EXOC6B: variants seen among roughly 807,000 people sequenced by gnomAD.
EXOC6B encodes exocyst complex component 6B, also known as SEC15 homolog B.
Under a neutral mutation model 113.5 loss-of-function variants are expected in EXOC6B, and 54 were observed. That is an observed-to-expected ratio of 0.48 (90% confidence interval 0.38 to 0.60). EXOC6B has a LOEUF of 0.60. Among genes scored for constraint, EXOC6B ranks in the 20% least tolerant of loss-of-function variants. The probability of loss-of-function intolerance (pLI) is 0.00; values close to 1 mark genes in which losing one functional copy is unlikely to be tolerated. For synonymous variants in EXOC6B, 357 were observed against 339.0 expected (o/e 1.05, Z -0.58); for missense variants, 797 against 977.5 (o/e 0.82, Z 2.46).
chr2:72,643,535 T>G (rs1327382471), intron 6 of EXOC6B, among the ~76,000 whole-genome samples: 43 of 147,310 alleles, frequency 2.9e-4, no homozygotes, highest in African/African-American at 1.1e-3. Context: ...ACACCGCATA[T>G]TCTCACTCAT....
At chr2:72,217,796 G>A (rs991673261) in intron 20 of EXOC6B, among the ~76,000 whole-genome samples, 21 of 152,250 alleles carry the variant, frequency 1.4e-4, no homozygotes, top group Admixed American at 7.2e-4. Context: ...AAAAGATGAT[G>A]AGCATCTTGA....
intron 1 of EXOC6B, among the ~76,000 whole-genome samples, chr2:72,775,222 C>G (rs1683632316): frequency 6.6e-6 from 1 of 151,138 alleles, no homozygotes; most frequent in African/African-American, 2.5e-5. Flanking sequence ...TTGGGGCTCT[C>G]TCCCCTCCCT....
At chr2:72,422,762 A>G (rs898512441) in intron 18 of EXOC6B, among the ~76,000 whole-genome samples, 3 of 152,182 alleles carry the variant, frequency 2.0e-5, no homozygotes, top group Non-Finnish European at 4.4e-5. Flanking sequence ...GACACTCTGT[A>G]TCTAGCTGCT....
intron 20 of EXOC6B, 84 bp from the exon 21 acceptor site, chr2:72,184,271 T>C: frequency 1.6e-6 from 1 of 642,482 alleles, no homozygotes; most frequent in South Asian, 2.0e-5. Context: ...CATCCTTCAC[T>C]ACCAGCTAAT....
At chr2:72,668,931 CA>C (rs940059459) in intron 6 of EXOC6B, among the ~76,000 whole-genome samples, 2 of 151,788 alleles carry the variant, frequency 1.3e-5, no homozygotes, top group African/African-American at 2.4e-5. Context: ...AAAAGTTGAA[CA>C]AAAAAATTGC....
At chr2:72,433,979 G>A (rs1168307690) in intron 18 of EXOC6B, among the ~76,000 whole-genome samples, 2 of 152,152 alleles carry the variant, frequency 1.3e-5, no homozygotes, top group Non-Finnish European at 2.9e-5. Flanking sequence ...CTTGTCTTGT[G>A]CCGGTTTTCA....
intron 6 of EXOC6B, among the ~76,000 whole-genome samples, chr2:72,689,737 T>C (rs905676704): frequency 1.3e-5 from 2 of 152,310 alleles, no homozygotes; most frequent in Middle Eastern, 3.4e-3. Context: ...AGTTTAAGTA[T>C]GCACAATTGT....
rs546869703 is a variant in EXOC6B, at chr2:72,185,133, C to T, written c.2197-946G>A. Among the ~76,000 whole-genome samples, 281 of 152,386 alleles carry T rather than the reference C, an allele frequency of 1.8e-3. 3 individuals carry two copies. Among genetic ancestry groups the T allele is most frequent in the African/African-American group, 6.7e-3 (277 of 41,600 alleles). ...CAAATAAAAGCTTCTAGAAGGGGCA[C>T]AGTCCCAGACTCATATCACTGCATA... On this transcript the variant is annotated intron_variant, in intron 20 of 21. Coordinates refer to ENST00000272427, the MANE Select transcript of EXOC6B (RefSeq NM_015189.3).
At chr2:72,763,121 A>C (rs1682841813) in intron 1 of EXOC6B, among the ~76,000 whole-genome samples, 1 of 152,166 alleles carries the variant, frequency 6.6e-6, no homozygotes, top group Non-Finnish European at 1.5e-5. Flanking sequence ...GGAGAATATG[A>C]AATGAGAAAT....
intron 19 of EXOC6B, among the ~76,000 whole-genome samples, chr2:72,336,380 G>T (rs1688690157): frequency 6.6e-6 from 1 of 152,072 alleles, no homozygotes. Flanking sequence ...TCCATTTGGG[G>T]GCTTCTCAGA....
intron 8 of EXOC6B, among the ~76,000 whole-genome samples, chr2:72,516,524 AGCCACCAC>A (rs1701222403): frequency 6.6e-6 from 1 of 152,210 alleles, no homozygotes; most frequent in Non-Finnish European, 1.5e-5. Context: ...TACAGGCCTT[AGCCACCAC>A]GCCCGGCCCT....
Position 72,340,518 on chromosome 2 carries a change from G to A in EXOC6B, c.2123-5498C>T, listed in dbSNP as rs115211441. Among the ~76,000 whole-genome samples the A allele has an allele frequency of 4.9e-3, 743 of 152,180 alleles. 9 individuals carry two copies. Among genetic ancestry groups the A allele is most frequent in the African/African-American group, 0.017 (690 of 41,530 alleles). On this transcript the variant is annotated intron_variant, in intron 19 of 21. Transcript: ENST00000272427. ...GACAATCTGCAAAATGTTAACAAGA[G>A]GGTCCTAGATAACATCAGTACAGTA...
chr2:72,789,822 G>A (rs1573801007), intron 1 of EXOC6B, among the ~76,000 whole-genome samples: 2 of 152,130 alleles, frequency 1.3e-5, no homozygotes, highest in African/African-American at 4.8e-5. Context: ...TTTTTTGCAA[G>A]TTAGGGATTT....
chr2:72,360,912 T>A (rs3106878), intron 19 of EXOC6B, among the ~76,000 whole-genome samples: 7 of 144,720 alleles, frequency 4.8e-5, no homozygotes, highest in Admixed American at 1.4e-4. Flanking sequence ...GCCTGGGCGA[T>A]AAAGGAAGAC....
intron 6 of EXOC6B, among the ~76,000 whole-genome samples, chr2:72,678,867 G>A (rs1017587291): frequency 6.6e-6 from 1 of 152,140 alleles, no homozygotes; most frequent in Non-Finnish European, 1.5e-5. Flanking sequence ...AAATTTGTGA[G>A]GACCTATTGT....
chr2:72,538,254 C>A (rs890837866), intron 8 of EXOC6B, among the ~76,000 whole-genome samples: 1 of 152,012 alleles, frequency 6.6e-6, no homozygotes, highest in Non-Finnish European at 1.5e-5. Context: ...TGAGCCACTG[C>A]CCAAGAAATT....
At chr2:72,537,683 T>C (rs935359222) in intron 8 of EXOC6B, among the ~76,000 whole-genome samples, 2 of 152,126 alleles carry the variant, frequency 1.3e-5, no homozygotes, top group African/African-American at 2.4e-5. Context: ...GTAGCTTATA[T>C]AAAAATTCTA....
intron 8 of EXOC6B, chr2:72,515,404 T>C: frequency 8.4e-7 from 1 of 1,195,532 alleles, no homozygotes; most frequent in Non-Finnish European, 1.0e-6. Flanking sequence ...GAATCAACTG[T>C]CTCAAATTCA....
At chr2:72,687,223 G>C (rs1573623674) in intron 6 of EXOC6B, among the ~76,000 whole-genome samples, 1 of 151,920 alleles carries the variant, frequency 6.6e-6, no homozygotes, top group Non-Finnish European at 1.5e-5. Context: ...TTTATGGATA[G>C]GCTGGTAAGA....
Sources: allele counts gnomAD v4.1 joint callset (sites outside exome capture counted in the v4.1 genomes callset), GRCh38; gene constraint gnomAD v4.1.1; transcripts MANE v1.5; gene names NCBI Gene and HGNC (gene_info 2026-07-23, HGNC 2026-07-21).